Variants in ANKRD33 observed in about 807,000 individuals in gnomAD.
ANKRD33 encodes photoreceptor ankyrin repeat protein.
In ANKRD33, 20 loss-of-function variants were observed where a neutral mutation model predicts 20.6. The ratio of observed to expected loss-of-function variants is 0.97; its 90% confidence interval spans 0.68 to 1.41. The LOEUF is 1.41. Ranked by LOEUF, ANKRD33 falls within the 40% of genes most tolerant of loss-of-function variation. The pLI, the probability that ANKRD33 is intolerant of heterozygous loss-of-function variation, is 0.00. For synonymous variants in ANKRD33, 246 were observed against 245.0 expected (o/e 1.00, Z -0.04); for missense variants, 545 against 579.6 (o/e 0.94, Z 0.61).
Position 51,888,906 on chromosome 12 carries a change from G to A in ANKRD33, c.396+88G>A, listed in dbSNP as rs542989549. The A allele has an allele frequency of 5.0e-4, 802 of 1,593,638 alleles. 11 individuals carry two copies. In the South Asian group the frequency reaches 8.7e-3, roughly 17 times the overall value. On this transcript the variant is annotated intron_variant, in intron 2 of 4. Coordinates refer to ENST00000301190, the MANE Select transcript of ANKRD33 (RefSeq NM_182608.4). Reference sequence around the variant, plus strand: ...GGCCTGGCTCCCTGAGAGGGGTTCAGGGGCAATACCTCCTGCAGTCCTAAG... The same window carrying A: ...GGCCTGGCTCCCTGAGAGGGGTTCAAGGGCAATACCTCCTGCAGTCCTAAG...
At chr12:51,890,279 T>C (rs1383339700) in intron 4 of ANKRD33, 1 of 561,558 alleles carries the variant, frequency 1.8e-6, no homozygotes, top group Non-Finnish European at 3.2e-6. Flanking sequence ...CTCAGGCCTC[T>C]GCCTGTCCTG....
rs1223479884 is a variant in ANKRD33 at position 51,888,670 on chromosome 12, C to T, written c.248C>T (p.Pro83Leu). 4 of 1,612,080 alleles carry T rather than the reference C, an allele frequency of 2.5e-6. No individual in the cohort carries two copies. In the East Asian group the frequency reaches 6.7e-5, roughly 27 times the overall value. ...CGGCTGGACATGTCTGAGGCACTGC[C>T]CTGCCCGGGCAAGGAGACCCCCACC... ...RRRLDMSEAL[P>L]CPGKETPTPG... is the part of the protein sequence containing the mutation. Residue 83 changes from proline (P) to leucine (L), a missense_variant, in exon 2 of 5, where the codon CCC becomes CTC. Transcript: ENST00000301190.
intron 1 of ANKRD33, 22 bp from the exon 2 acceptor site, chr12:51,888,546 T>G: frequency 6.5e-7 from 1 of 1,545,392 alleles, no homozygotes; most frequent in Non-Finnish European, 8.7e-7. Flanking sequence ...CACTCACTAC[T>G]CCTCTCCATT....
chr12:51,889,066 G>A lies in ANKRD33; in HGVS notation c.397-1G>A, dbSNP rs767061947. On this transcript the variant is annotated splice_acceptor_variant, in intron 2 of 4. Coordinates refer to ENST00000301190, the MANE Select transcript of ANKRD33 (RefSeq NM_182608.4). LOFTEE classifies it high-confidence loss of function. Reference sequence around the variant, plus strand: ...GGGGATCTGAGCTGCCCCTCCCTCAGACAGGCCTCATGGTCGCATGCTACC... The same window carrying A: ...GGGGATCTGAGCTGCCCCTCCCTCAAACAGGCCTCATGGTCGCATGCTACC... 31 of 1,614,020 alleles carry A rather than the reference G, an allele frequency of 1.9e-5. No homozygotes were observed. In the East Asian group the frequency reaches 6.7e-4, roughly 35 times the overall value.
chr12:51,890,659 A>G lies in ANKRD33; in HGVS notation c.713A>G (p.Asp238Gly), dbSNP rs773617781. 74 of 1,607,808 alleles carry G rather than the reference A, an allele frequency of 4.6e-5. No individual in the cohort carries two copies. In the Admixed American group the frequency reaches 1.2e-3, roughly 27 times the overall value. The change falls in exon 5 of 5, where the codon GAC (aspartate) becomes GGC (glycine). Residue 238 changes from aspartate (D) to glycine (G), a missense_variant. Transcript: ENST00000301190. ...TGGGCAGTGCTGACCGACAGCTTCG[A>G]CACCGTGTGGAGGATTCGGCAGCTG... is the stretch of plus-strand genomic sequence containing the variant. ...LEWAVLTDSF[D>G]TVWRIRQLLR...
rs1369061158 is a variant in ANKRD33, at chr12:51,891,134, G to T, written c.1188G>T (p.Arg396Ser). Residue 396 changes from arginine (R) to serine (S), a missense_variant, in exon 5 of 5, where the codon AGG becomes AGT. By Grantham distance (110) the Arg-to-Ser change is moderately radical. Coordinates refer to ENST00000301190, the MANE Select transcript of ANKRD33 (RefSeq NM_182608.4). Reference sequence around the variant, plus strand: ...AACCCAGGGATAGCACCAGCCCCAGGCCCCAAGTCCCCAAGATCCTCCTCT... The same window carrying T: ...AACCCAGGGATAGCACCAGCCCCAGTCCCCAAGTCCCCAAGATCCTCCTCT... ...WLQPRDSTSP[R>S]PQVPKILLSK... is the part of the protein sequence containing the mutation. The T allele has an allele frequency of 6.2e-7, 1 of 1,614,080 alleles. No individual in the cohort carries two copies. The highest frequency in any genetic ancestry group is 8.5e-7 in the Non-Finnish European group (1 of 1,180,042).
rs372347663 is a variant in ANKRD33 at position 51,889,379 on chromosome 12, G to A, written c.534G>A (p.Val178=). 28 of 1,613,940 alleles carry A rather than the reference G, an allele frequency of 1.7e-5. No homozygotes were observed. The highest frequency in any genetic ancestry group is 2.7e-5 in the African/African-American group (2 of 74,938). The change falls in exon 4 of 5, where the codon GTG becomes GTA. Residue 178 remains valine, a synonymous_variant. Transcript: ENST00000301190. ...ALMLAAQAGH[V]PLVSLLLNYY... ...ACCCTTGCTGCCCTGCAGGCCACGT[G>A]CCTCTAGTGAGTCTCCTGCTCAACT...
chr12:51,889,332 C>G, intron 3 of ANKRD33, 40 bp from the exon 4 acceptor site: 1 of 1,609,684 alleles, frequency 6.2e-7, no homozygotes, highest in African/African-American at 1.3e-5. Context: ...CTTCATCACC[C>G]CCTTTCCTGG....
chr12:51,891,661 T>C lies in ANKRD33; in HGVS notation c.*356T>C, dbSNP rs1278590513. On this transcript the variant is annotated 3_prime_UTR_variant, in exon 5 of 5. Transcript: ENST00000301190. ...TAAAAATAACTAAGGAGTGGAACAG[T>C]GTATATGGCATATTATTATTTGTCG... 1 of 242,490 alleles carries C rather than the reference T, an allele frequency of 4.1e-6. No individual in the cohort carries two copies. Among genetic ancestry groups the C allele is most frequent in the Non-Finnish European group, 8.0e-6 (1 of 125,230 alleles). The allele number at this position is 242,490 out of a possible 1,614,324, so 15.0% of individuals were successfully genotyped here. A position where few individuals can be genotyped will look rare whatever the true frequency, so the allele number is the denominator to read the frequency against.
rs1037625612 is a variant in ANKRD33, at chr12:51,890,835, C to T, written c.889C>T (p.Pro297Ser). The change falls in exon 5 of 5, where the codon CCG (proline) becomes TCG (serine). Residue 297 changes from proline to serine, a missense_variant. Transcript: ENST00000301190. Reference sequence around the variant, plus strand: ...GGCTACCTTGAGCCTCCCCTTTGCCCCGTCTCCTCAGGAGGGGGGTGTTCT... The same window carrying T: ...GGCTACCTTGAGCCTCCCCTTTGCCTCGTCTCCTCAGGAGGGGGGTGTTCT... ...LQATLSLPFAPSPQEGGVLDH... is the reference protein window; with the variant it reads ...LQATLSLPFASSPQEGGVLDH... 5.0e-6 allele frequency: 8 copies of T among 1,611,892 alleles called. No individual in the cohort carries two copies. The highest frequency in any genetic ancestry group is 6.8e-6 in the Non-Finnish European group (8 of 1,179,814).
At position 51,889,529 on chromosome 12, in the gene ANKRD33, C is replaced by A. The variant is rs1047785073; in HGVS notation, c.637+47C>A. ...TCATGGCAGGTGTGCGGGGCCTGGA[C>A]CGGGGTGTGTGGCCTCCAGTCCCTC... is the stretch of plus-strand genomic sequence containing the variant. On this transcript the variant is annotated intron_variant, in intron 4 of 4. Coordinates refer to ENST00000301190, the MANE Select transcript of ANKRD33 (RefSeq NM_182608.4). 3.8e-5 allele frequency: 61 copies of A among 1,602,648 alleles called. 1 individual carries two copies. The highest frequency in any genetic ancestry group is 5.1e-5 in the Admixed American group (3 of 58,532).
Position 51,888,149 on chromosome 12 carries a change from G to T in ANKRD33, c.-38G>T. 1 of 1,607,222 alleles carries T rather than the reference G, an allele frequency of 6.2e-7. No individual in the cohort carries two copies. The highest frequency in any genetic ancestry group is 1.1e-5 in the South Asian group (1 of 90,816). On this transcript the variant is annotated 5_prime_UTR_variant, in exon 1 of 5. Transcript: ENST00000301190. Reference sequence around the variant, plus strand: ...CATGGGGCCCCAGTCCCAGCTGCTTGATCCGGCTCAGCCCCGAGGTGTTTG... The same window carrying T: ...CATGGGGCCCCAGTCCCAGCTGCTTTATCCGGCTCAGCCCCGAGGTGTTTG...
intron 1 of ANKRD33, 108 bp downstream of exon 1, chr12:51,888,439 T>G: frequency 6.3e-7 from 1 of 1,577,912 alleles, no homozygotes; most frequent in Non-Finnish European, 8.6e-7. Flanking sequence ...TTTCTCAGGG[T>G]GGATGGGGCG....
At chr12:51,888,935 G>T (rs746159970) in intron 2 of ANKRD33, 117 bp downstream of exon 2, 1 of 1,583,360 alleles carries the variant, frequency 6.3e-7, no homozygotes, top group South Asian at 1.2e-5. Context: ...TCCTAAGGAG[G>T]AAGGGAATGG....
Position 51,888,196 on chromosome 12 carries a change from C to T in ANKRD33, c.10C>T (p.Gln4Ter), listed in dbSNP as rs746702368. The T allele has an allele frequency of 6.2e-7, 1 of 1,613,988 alleles. No individual in the cohort carries two copies. The highest frequency in any genetic ancestry group is 1.1e-5 in the South Asian group (1 of 91,088). Reference sequence around the variant, plus strand: ...TTTGCAGCAGCTCTTTATGAAAGTCCAGCCATCTGTTACCTGCGTTGCTTC... The same window carrying T: ...TTTGCAGCAGCTCTTTATGAAAGTCTAGCCATCTGTTACCTGCGTTGCTTC... MKV[Q>*]PSVTCVASWG... is the part of the protein sequence containing the mutation. The change falls in exon 1 of 5, where the codon CAG (glutamine) becomes TAG (stop). Residue 4 changes from glutamine (Q) to a stop codon, truncating the protein, a stop_gained. Coordinates refer to ENST00000301190, the MANE Select transcript of ANKRD33 (RefSeq NM_182608.4). LOFTEE classifies it high-confidence loss of function.
At position 51,890,871 on chromosome 12, in the gene ANKRD33, G is replaced by A. The variant is rs1198799199; in HGVS notation, c.925G>A (p.Val309Met). 5 of 1,613,206 alleles carry A rather than the reference G, an allele frequency of 3.1e-6. No individual in the cohort carries two copies. In the Admixed American group the frequency reaches 5.0e-5, roughly 16 times the overall value. ...PQEGGVLDHL[V>M]TATTSLASPF... ...GGAGGGGGGTGTTCTGGACCACCTT[G>A]TGACTGCCACAACCAGCCTGGCCAG... The change falls in exon 5 of 5, where the codon GTG becomes ATG. Residue 309 changes from valine (V) to methionine (M), a missense_variant. Transcript: ENST00000301190.
chr12:51,889,264 T>A, intron 3 of ANKRD33, 68 bp downstream of exon 3: 2 of 1,611,630 alleles, frequency 1.2e-6, no homozygotes, highest in Non-Finnish European at 1.7e-6. Context: ...AGCCCCACCC[T>A]TGTTGCACGG....
At position 51,890,670 on chromosome 12, in the gene ANKRD33, A is replaced by G. The variant is rs1015875263; in HGVS notation, c.724A>G (p.Arg242Gly). The G allele has an allele frequency of 4.4e-6, 7 of 1,606,020 alleles. No homozygotes were observed. In the Admixed American group the frequency reaches 8.3e-5, roughly 19 times the overall value. Residue 242 changes from arginine (R) to glycine (G), a missense_variant, in exon 5 of 5, where the codon AGG becomes GGG. Arg to Gly is a moderately radical substitution (Grantham distance 125). Coordinates refer to ENST00000301190, the MANE Select transcript of ANKRD33 (RefSeq NM_182608.4). ...VLTDSFDTVW[R>G]IRQLLRRPQV... ...GACCGACAGCTTCGACACCGTGTGG[A>G]GGATTCGGCAGCTGCTGAGGCGGCC...
Position 51,891,316 on chromosome 12 carries a change from G to A in ANKRD33, c.*11G>A, listed in dbSNP as rs749853051. On this transcript the variant is annotated 3_prime_UTR_variant, in exon 5 of 5. Coordinates refer to ENST00000301190, the MANE Select transcript of ANKRD33 (RefSeq NM_182608.4). ...ATGGCACAGAAGTAGGGGAAGATGG[G>A]ATAGGACAGGCTGGGAACAGGTAAT... 3.7e-6 allele frequency: 6 copies of A among 1,611,776 alleles called. No homozygotes were observed. The highest frequency in any genetic ancestry group is 4.2e-6 in the Non-Finnish European group (5 of 1,178,548).
Sources: allele counts gnomAD v4.1 joint callset, GRCh38; gene constraint gnomAD v4.1.1; transcripts MANE v1.5; gene names NCBI Gene and HGNC (gene_info 2026-07-23, HGNC 2026-07-21).